THSD4: variants seen among roughly 807,000 people sequenced by gnomAD.
THSD4 encodes the protein thrombospondin type-1 domain-containing protein 4.
In THSD4, 69 loss-of-function variants were observed where a neutral mutation model predicts 119.0. The ratio of observed to expected loss-of-function variants is 0.58; its 90% CI spans 0.48 to 0.71. THSD4 has a LOEUF of 0.71. Ranked by LOEUF, THSD4 falls within the 30% of genes least tolerant of loss-of-function variation. The pLI is 0.00. For synonymous variants in THSD4, 524 were observed against 540.4 expected, an observed-to-expected ratio of 0.97 and a Z score of 0.42; for missense variants, 1,393 against 1,391.1, an observed-to-expected ratio of 1.00 and a Z score of -0.02.
At chr15:71,582,747 C>T (rs1300095675) in intron 7 of THSD4, among the ~76,000 whole-genome samples, 1 of 152,092 alleles carries the variant, frequency 6.6e-6, no homozygotes, top group Non-Finnish European at 1.5e-5. Context: ...ATATAACTAA[C>T]TTTAGTCCTT....
intron 8 of THSD4, among the ~76,000 whole-genome samples, chr15:71,699,928 A>G (rs1373173252): frequency 6.6e-6 from 1 of 152,224 alleles, no homozygotes; most frequent in Non-Finnish European, 1.5e-5. Flanking sequence ...CCCAATCTGT[A>G]CAAATTAATA....
intron 7 of THSD4, among the ~76,000 whole-genome samples, chr15:71,422,121 T>A (rs1319128452): frequency 2.0e-5 from 3 of 152,240 alleles, no homozygotes; most frequent in Non-Finnish European, 4.4e-5. Flanking sequence ...ACTGAAAGGT[T>A]ACATATCTCT....
chr15:71,126,220 C>T (rs772193364), intron 1 of THSD4, among the ~76,000 whole-genome samples: 7 of 152,272 alleles, frequency 4.6e-5, no homozygotes, highest in South Asian at 2.1e-4. Flanking sequence ...CCAGCAGTAA[C>T]GAAGCCATGC....
intron 7 of THSD4, among the ~76,000 whole-genome samples, chr15:71,472,711 G>T (rs2047598475): frequency 6.6e-6 from 1 of 152,200 alleles, no homozygotes; most frequent in African/African-American, 2.4e-5. Flanking sequence ...TGACCTGCAT[G>T]GAAATGGGAT....
intron 15 of THSD4, 95 bp from the exon 16 acceptor site, chr15:71,764,925 A>T: frequency 7.0e-7 from 1 of 1,437,440 alleles, no homozygotes; most frequent in Non-Finnish European, 9.4e-7. Context: ...TGGTGGTAGA[A>T]TTGACGGTGC....
intron 7 of THSD4, among the ~76,000 whole-genome samples, chr15:71,594,755 A>G (rs1028952379): frequency 1.3e-5 from 2 of 152,242 alleles, no homozygotes; most frequent in East Asian, 3.8e-4. Context: ...TGTGATGTGC[A>G]TGAGGGGAAA....
chr15:71,739,450 T>G (rs139229553), intron 11 of THSD4, among the ~76,000 whole-genome samples: 2 of 152,286 alleles, frequency 1.3e-5, no homozygotes, highest in East Asian at 3.9e-4. Flanking sequence ...AGGGGTCACA[T>G]CAGGATGATG....
chr15:71,207,998 G>C (rs1171182389), intron 3 of THSD4, among the ~76,000 whole-genome samples: 2 of 152,204 alleles, frequency 1.3e-5, no homozygotes, highest in Non-Finnish European at 2.9e-5. Context: ...GCACATCAGA[G>C]AGCAATTGCA....
At chr15:71,596,336 A>G (rs1459456829) in intron 7 of THSD4, among the ~76,000 whole-genome samples, 1 of 152,160 alleles carries the variant, frequency 6.6e-6, no homozygotes, top group African/African-American at 2.4e-5. Context: ...CTTCTTCTCC[A>G]AGTACAAACA....
At chr15:71,666,428 C>T (rs140054445) in intron 8 of THSD4, among the ~76,000 whole-genome samples, 72 of 152,182 alleles carry the variant, frequency 4.7e-4, no homozygotes, top group African/African-American at 1.4e-3. Flanking sequence ...AGGTATTAAA[C>T]CTAGTACCCC....
intron 6 of THSD4, among the ~76,000 whole-genome samples, chr15:71,274,522 C>T (rs1265391925): frequency 6.6e-6 from 1 of 152,106 alleles, no homozygotes; most frequent in African/African-American, 2.4e-5. Context: ...GAATGATTCC[C>T]TCCTCCCTGA....
rs377739677 is a variant in THSD4 at position 71,411,672 on chromosome 15, A to G, written c.1016-15A>G. The stretch of plus-strand genomic sequence containing the variant: ...CCTTATCTTTATTTTATTTTATTTC[A>G]TTTTACTTTGGTAGTAAAAGGCAAT... On this transcript the variant is annotated splice_polypyrimidine_tract_variant and intron_variant, in intron 6 of 17. Transcript: ENST00000261862. 1.9e-4 allele frequency: 306 copies of G among 1,609,552 alleles called. 2 individuals carry two copies. In the South Asian group the frequency reaches 2.5e-3, roughly 13 times the overall value.
chr15:71,225,570 C>T (rs1238207494), intron 4 of THSD4, among the ~76,000 whole-genome samples: 21 of 115,788 alleles, frequency 1.8e-4, no homozygotes, highest in African/African-American at 4.8e-4. Flanking sequence ...TTTTTTGAGA[C>T]GGAGTTTCGC....
intron 7 of THSD4, among the ~76,000 whole-genome samples, chr15:71,556,177 A>G (rs2049012999): frequency 6.6e-6 from 1 of 152,202 alleles, no homozygotes; most frequent in South Asian, 2.1e-4. Context: ...TTGAAAAATC[A>G]TTTAAGAATT....
At chr15:71,424,743 T>C (rs148526559) in intron 7 of THSD4, among the ~76,000 whole-genome samples, 1 of 152,324 alleles carries the variant, frequency 6.6e-6, no homozygotes, top group East Asian at 1.9e-4. Flanking sequence ...TATGATTTAG[T>C]TTTACTTGAT....
Position 71,134,741 on chromosome 15 carries a change from A to G in THSD4, c.-79-6708A>G, listed in dbSNP as rs567733522. 4.6e-5 allele frequency among the ~76,000 whole-genome samples: 7 copies of G among 152,300 alleles called. No homozygotes were observed. The East Asian group carries it at 1.2e-3, about 25-fold the overall frequency. On this transcript the variant is annotated intron_variant, in intron 1 of 17. Transcript: ENST00000261862. ...TGAACTAGTTTACAGTCCCACCAAC[A>G]GTGTAAAAGTGTTCCTATTTCTCCA...
At chr15:71,775,017 G>A (rs1490908224) in intron 17 of THSD4, among the ~76,000 whole-genome samples, 3 of 151,970 alleles carry the variant, frequency 2.0e-5, no homozygotes, top group African/African-American at 2.4e-5. Context: ...ATGGTGGCAC[G>A]TGCATGTAGT....
intron 6 of THSD4, among the ~76,000 whole-genome samples, chr15:71,299,758 A>G (rs925333511): frequency 7.2e-5 from 11 of 152,106 alleles, no homozygotes; most frequent in Non-Finnish European, 1.5e-4. Context: ...TGATTTAATC[A>G]TTTTGCAATG....
At chr15:71,731,417 T>C in intron 10 of THSD4, 200 bp downstream of exon 10, 1 of 571,830 alleles carries the variant, frequency 1.7e-6, no homozygotes, top group Non-Finnish European at 3.1e-6. Flanking sequence ...ACTGTTTCAT[T>C]CACTCGATTC....
Sources: allele counts gnomAD v4.1 joint callset (sites outside exome capture counted in the v4.1 genomes callset), GRCh38; gene constraint gnomAD v4.1.1; transcripts MANE v1.5; gene names NCBI Gene and HGNC (gene_info 2026-07-23, HGNC 2026-07-21).